RASD1: variants seen among roughly 807,000 people sequenced by gnomAD.
RASD1 encodes dexamethasone-induced Ras-related protein 1.
RASD1 carries 13 observed loss-of-function variants against 16.7 expected under a neutral mutation model. The observed-to-expected ratio is 0.78, with a 90% CI of 0.51 to 1.24. The LOEUF (loss-of-function observed/expected upper bound fraction) is 1.24, where lower values mean the gene tolerates loss of function less well. RASD1 is among the 50% of genes most tolerant of loss of function. RASD1 has a pLI of 0.00. For synonymous variants in RASD1, 170 were observed against 172.6 expected, an observed-to-expected ratio of 0.98 and a Z score of 0.12; for missense variants, 397 against 407.5, an observed-to-expected ratio of 0.97 and a Z score of 0.22.
At chr17:17,495,784 C>G in intron 1 of RASD1, 100 bp from the exon 2 acceptor site, 1 of 1,453,072 alleles carries the variant, frequency 6.9e-7, no homozygotes, top group Non-Finnish European at 9.1e-7. Context: ...GCTAGCCTCT[C>G]TAAGCGCGAA....
rs763147276 is a variant in RASD1 at position 17,495,996 on chromosome 17, G to C, written c.186C>G (p.Arg62=). ...AYTPTIEDFH[R]KFYSIRGEVY... ...CCTCGCCGCGGATGGAGTAGAACTT[G>C]CGGTGGAAGTCCTCGATGGTAGGCG... Residue 62 remains arginine, a synonymous_variant, in exon 1 of 2, where the codon CGC becomes CGG. Coordinates refer to ENST00000225688, the MANE Select transcript of RASD1 (RefSeq NM_016084.5). The C allele has an allele frequency of 3.7e-6, 6 of 1,613,820 alleles. No individual in the cohort carries two copies. Among genetic ancestry groups the C allele is most frequent in the Non-Finnish European group, 4.2e-6 (5 of 1,180,038 alleles).
Position 17,494,917 on chromosome 17 carries a change from A to C in RASD1, c.*208T>G. The stretch of plus-strand genomic sequence containing the variant: ...CTCAATGGGGGACCGGGGGTGGGGA[A>C]TAGTCCCAGTCTTGGCCCGTTCTCT... On this transcript the variant is annotated 3_prime_UTR_variant, in exon 2 of 2. Transcript: ENST00000225688. 5 of 652,980 alleles carry C rather than the reference A, an allele frequency of 7.7e-6. No individual in the cohort carries two copies. The highest frequency in any genetic ancestry group is 1.9e-5 in the African/African-American group (1 of 51,910). 40.4% of individuals were successfully genotyped at this position (652,980 alleles called of 1,614,324 possible). A position where few individuals can be genotyped will look rare whatever the true frequency, so the allele number is the denominator to read the frequency against.
rs1181697015 is a variant in RASD1 at position 17,495,206 on chromosome 17, T to G, written c.765A>C (p.Val255=). The G allele has an allele frequency of 6.2e-7, 1 of 1,611,280 alleles. No individual in the cohort carries two copies. Among genetic ancestry groups the G allele is most frequent in the Non-Finnish European group, 8.5e-7 (1 of 1,179,604 alleles). ...CGCGGATGTACATGAGGTCGCTGTG[T>G]ACGCTGGGCCGGCGCGCGAAGGGTG... is the stretch of plus-strand genomic sequence containing the variant. The part of the protein sequence containing the change: ...IVAPFARRPS[V]HSDLMYIREK... Residue 255 remains valine (V), a synonymous_variant, in exon 2 of 2, where the codon GTA becomes GTC. Transcript: ENST00000225688.
rs1245443073 is a variant in RASD1, at chr17:17,495,508, C to T, written c.463G>A (p.Val155Met). 6 of 1,611,934 alleles carry T rather than the reference C, an allele frequency of 3.7e-6. No homozygotes were observed. Among genetic ancestry groups the T allele is most frequent in the Non-Finnish European group, 5.1e-6 (6 of 1,179,582 alleles). The part of the protein sequence containing the change: ...NKGDRDFYRE[V>M]DQREIEQLVG... ...AGCTGCTCGATCTCGCGCTGGTCCA[C>T]CTCGCGGTAGAAGTCGCGGTCACCC... Residue 155 changes from valine (V) to methionine (M), a missense_variant, in exon 2 of 2, where the codon GTG (valine) becomes ATG (methionine). Coordinates refer to ENST00000225688, the MANE Select transcript of RASD1 (RefSeq NM_016084.5).
chr17:17,495,440 C>G lies in RASD1; in HGVS notation c.531G>C (p.Ser177=), dbSNP rs760200198. ...DPQRCAYFEI[S]AKKNSSLDQM... is the part of the protein sequence containing the mutation. ...GGTCCAGGCTGCTGTTCTTCTTGGCCGAGATCTCGAAGTAGGCGCAGCGCT... is the reference window on the plus strand; with the variant it reads ...GGTCCAGGCTGCTGTTCTTCTTGGCGGAGATCTCGAAGTAGGCGCAGCGCT... Residue 177 remains serine, a synonymous_variant, in exon 2 of 2, where the codon TCG becomes TCC. Transcript: ENST00000225688. 54 of 1,607,616 alleles carry G rather than the reference C, an allele frequency of 3.4e-5. 1 individual carries two copies. The highest frequency in any genetic ancestry group is 3.1e-4 in the South Asian group (28 of 90,062).
Position 17,494,936 on chromosome 17 carries a change from G to C in RASD1, c.*189C>G. 1 of 746,444 alleles carries C rather than the reference G, an allele frequency of 1.3e-6. No homozygotes were observed. The highest frequency in any genetic ancestry group is 2.1e-6 in the Non-Finnish European group (1 of 475,754). 46.2% of individuals were successfully genotyped at this position (746,444 alleles called of 1,614,324 possible). On this transcript the variant is annotated 3_prime_UTR_variant, in exon 2 of 2. Coordinates refer to ENST00000225688, the MANE Select transcript of RASD1 (RefSeq NM_016084.5). ...TGGGGAATAGTCCCAGTCTTGGCCC[G>C]TTCTCTTTCCTTCCGGAGCAGATGA...
chr17:17,495,820 G>T, intron 1 of RASD1, 76 bp downstream of exon 1: 3 of 1,486,264 alleles, frequency 2.0e-6, no homozygotes, highest in Non-Finnish European at 2.7e-6. Flanking sequence ...CGCGGCAGCC[G>T]GACCGGCGCT....
At position 17,495,421 on chromosome 17, in the gene RASD1, G is replaced by C. The variant is rs771009363; in HGVS notation, c.550C>G (p.Leu184Val). Reference protein sequence around the residue: ...FEISAKKNSSLDQMFRALFAM... With the variant: ...FEISAKKNSSVDQMFRALFAM... ...AAGAGCGCGCGGAACATCTGGTCCA[G>C]GCTGCTGTTCTTCTTGGCCGAGATC... The change falls in exon 2 of 2, where the codon CTG (leucine) becomes GTG (valine). Residue 184 changes from leucine (L) to valine (V), a missense_variant. Transcript: ENST00000225688. The C allele has an allele frequency of 1.2e-6, 2 of 1,606,954 alleles. No homozygotes were observed. The highest frequency in any genetic ancestry group is 1.7e-6 in the Non-Finnish European group (2 of 1,177,276).
Position 17,496,222 on chromosome 17 carries a change from A to C in RASD1, c.-41T>G, listed in dbSNP as rs1905436622. The C allele has an allele frequency of 2.6e-6, 4 of 1,527,536 alleles. 1 individual carries two copies. The East Asian group carries it at 9.8e-5, about 37-fold the overall frequency. The allele number at this position is 1,527,536 out of a possible 1,614,324, so 94.6% of individuals were successfully genotyped here. A position where few individuals can be genotyped will look rare whatever the true frequency, so the allele number is the denominator to read the frequency against. ...CGAGGGCGGGCGCGGGGCCGAGAGA[A>C]GGGCAGAGAGCGGCTGAGGGTCGCT... On this transcript the variant is annotated 5_prime_UTR_variant, in exon 1 of 2. Transcript: ENST00000225688.
Position 17,495,881 on chromosome 17 carries a change from C to T in RASD1, c.286+15G>A. On this transcript the variant is annotated intron_variant, in intron 1 of 1. Coordinates refer to ENST00000225688, the MANE Select transcript of RASD1 (RefSeq NM_016084.5). ...CCCGCCCTTCCCTCCCGCACCTGCC[C>T]GGCCCCCGGCTCACCTGTGAGGATG... The T allele has an allele frequency of 6.3e-7, 1 of 1,594,674 alleles. No homozygotes were observed. The highest frequency in any genetic ancestry group is 2.2e-5 in the East Asian group (1 of 44,484).
chr17:17,496,069 G>A lies in RASD1; in HGVS notation c.113C>T (p.Thr38Met), dbSNP rs1905428167. The change falls in exon 1 of 2, where the codon ACG becomes ATG. Residue 38 changes from threonine (T) to methionine (M), a missense_variant. Coordinates refer to ENST00000225688, the MANE Select transcript of RASD1 (RefSeq NM_016084.5). The stretch of plus-strand genomic sequence containing the variant: ...GGTGAGGAAGCGCGACACGATGGCC[G>A]TCTTGCCCACCTTGGACGAGCCGAG... ...VILGSSKVGK[T>M]AIVSRFLTGR... The A allele has an allele frequency of 1.2e-6, 2 of 1,614,004 alleles. No individual in the cohort carries two copies. The highest frequency in any genetic ancestry group is 1.7e-6 in the Non-Finnish European group (2 of 1,180,032).
rs1230487741 is a variant in RASD1 at position 17,495,292 on chromosome 17, GCTT to G, written c.676_678del (p.Lys226del). ...CCGCCGCCGCTGCCGGCCCGCAGCA[GCTT>G]CTTGTTCCGCAGCGCCTTCTTGTGC... is the stretch of plus-strand genomic sequence containing the variant. On this transcript the variant is annotated inframe_deletion, in exon 2 of 2. Transcript: ENST00000225688. The G allele has an allele frequency of 6.4e-7, 1 of 1,558,228 alleles. No homozygotes were observed. Among genetic ancestry groups the G allele is most frequent in the East Asian group, 2.4e-5 (1 of 41,698 alleles).
In RASD1 at chr17:17,495,484, GC is replaced by G; in HGVS notation, c.486del (p.Gln162HisfsTer40). On this transcript the variant is annotated frameshift_variant, in exon 2 of 2. Transcript: ENST00000225688. LOFTEE classifies it high-confidence loss of function. The stretch of plus-strand genomic sequence containing the variant: ...CAGCGCTGGGGGTCGTCGCCCACCA[GC>G]TGCTCGATCTCGCGCTGGTCCACCT... ...YREVDQREIE[Q>X]LVGDDPQRCA... The G allele has an allele frequency of 6.2e-7, 1 of 1,610,710 alleles. No homozygotes were observed. Among genetic ancestry groups the G allele is most frequent in the Non-Finnish European group, 8.5e-7 (1 of 1,178,898 alleles).
intron 1 of RASD1, 27 bp downstream of exon 1, chr17:17,495,869 C>G (rs954392830): frequency 6.3e-7 from 1 of 1,576,598 alleles, no homozygotes; most frequent in African/African-American, 1.3e-5. Context: ...GCCCTTCCCT[C>G]CCGCACCTGC....
rs564024234 is a variant in RASD1 at position 17,495,092 on chromosome 17, T to A, written c.*33A>T. On this transcript the variant is annotated 3_prime_UTR_variant, in exon 2 of 2. Transcript: ENST00000225688. ...TGGATTTGACTTAACAAAAAGGTCC[T>A]CCTTAGGTTGTGTCGCCAGCGCGGC... 6.2e-7 allele frequency: 1 copy of A among 1,606,760 alleles called. No individual in the cohort carries two copies. The highest frequency in any genetic ancestry group is 1.3e-5 in the African/African-American group (1 of 74,580).
In RASD1 at chr17:17,496,045, G is replaced by C. The variant is rs375522306; in HGVS notation, c.137C>G (p.Thr46Ser). The C allele has an allele frequency of 6.2e-6, 10 of 1,614,122 alleles. No individual in the cohort carries two copies. The highest frequency in any genetic ancestry group is 8.5e-6 in the Non-Finnish European group (10 of 1,180,028). The change falls in exon 1 of 2, where the codon ACC becomes AGC. Residue 46 changes from threonine (T) to serine (S), a missense_variant. Thr to Ser is a moderately conservative substitution (Grantham distance 58). Coordinates refer to ENST00000225688, the MANE Select transcript of RASD1 (RefSeq NM_016084.5). ...CGTGTAGGCGTCCTCGAAGCGGCCG[G>C]TGAGGAAGCGCGACACGATGGCCGT... ...GKTAIVSRFL[T>S]GRFEDAYTPT...
Position 17,494,649 on chromosome 17 carries a change from A to T in RASD1, c.*476T>A. On this transcript the variant is annotated 3_prime_UTR_variant, in exon 2 of 2. Coordinates refer to ENST00000225688, the MANE Select transcript of RASD1 (RefSeq NM_016084.5). ...AAGTCACTTGGCTATGATTTGACCCACGCCCCCCCGCTTAGTTTTGGGAGG... is the reference window on the plus strand; with the variant it reads ...AAGTCACTTGGCTATGATTTGACCCTCGCCCCCCCGCTTAGTTTTGGGAGG... 5.5e-6 allele frequency: 1 copy of T among 183,068 alleles called. No individual in the cohort carries two copies. Among genetic ancestry groups the T allele is most frequent in the Non-Finnish European group, 1.1e-5 (1 of 88,436 alleles). 11.3% of individuals were successfully genotyped at this position (183,068 alleles called of 1,614,324 possible).
Position 17,495,026 on chromosome 17 carries a change from C to T in RASD1, c.*99G>A. On this transcript the variant is annotated 3_prime_UTR_variant, in exon 2 of 2. Coordinates refer to ENST00000225688, the MANE Select transcript of RASD1 (RefSeq NM_016084.5). ...GGGCGGATCGCCGGGAGGGGAGACG[C>T]CAGTCCGCGCGCGCTCCCGGCCTGG... 6.9e-7 allele frequency: 1 copy of T among 1,459,146 alleles called. No individual in the cohort carries two copies. The highest frequency in any genetic ancestry group is 1.3e-5 in the South Asian group (1 of 75,368). 90.4% of individuals were successfully genotyped at this position (1,459,146 alleles called of 1,614,324 possible). A position where few individuals can be genotyped will look rare whatever the true frequency, so the allele number is the denominator to read the frequency against.
rs1296136302 is a variant in RASD1 at position 17,495,275 on chromosome 17, G to A, written c.696C>T (p.Ser232=). The A allele has an allele frequency of 1.3e-6, 2 of 1,564,708 alleles. No individual in the cohort carries two copies. The highest frequency in any genetic ancestry group is 1.4e-5 in the African/African-American group (1 of 73,898). ...CGCCCGGGTCGCCGCCGCCGCCGCC[G>A]CTGCCGGCCCGCAGCAGCTTCTTGT... ...LRNKKLLRAG[S]GGGGGDPGDA... Residue 232 remains serine (S), a synonymous_variant, in exon 2 of 2, where the codon AGC becomes AGT. Transcript: ENST00000225688.
Sources: gnomAD v4.1 joint callset for allele counts on GRCh38, gnomAD v4.1.1 for gene constraint, MANE v1.5 for transcripts, NCBI Gene and HGNC (gene_info 2026-07-23, HGNC 2026-07-21) for gene names.